Variants in ZC3H3 observed in about 807,000 individuals in gnomAD.
ZC3H3 encodes the protein zinc finger CCCH-type containing 3.
In ZC3H3, 36 loss-of-function variants were observed where a neutral mutation model predicts 77.3. The ratio of observed to expected loss-of-function variants is 0.47; its 90% CI spans 0.36 to 0.61. The LOEUF is 0.61. Ranked by LOEUF, ZC3H3 falls within the 20% of genes least tolerant of loss-of-function variation. ZC3H3 has a pLI of 0.00. For synonymous variants in ZC3H3, 626 were observed against 555.2 expected (o/e 1.13, Z -1.79); for missense variants, 1,331 against 1,312.2 (o/e 1.01, Z -0.22).
chr8:143,447,851 T>C (rs1819897344), intron 9 of ZC3H3, among the ~76,000 whole-genome samples: 1 of 152,186 alleles, frequency 6.6e-6, no homozygotes. Context: ...CCGGCAGGGA[T>C]GGCCGGGTGT....
chr8:143,526,556 A>C (rs569645940), intron 3 of ZC3H3, among the ~76,000 whole-genome samples: 1 of 152,234 alleles, frequency 6.6e-6, no homozygotes, highest in East Asian at 1.9e-4. Flanking sequence ...GTCCACATGG[A>C]CTCTGACCAC....
At chr8:143,499,049 G>C (rs1049377768) in intron 4 of ZC3H3, among the ~76,000 whole-genome samples, 1 of 152,090 alleles carries the variant, frequency 6.6e-6, no homozygotes, top group Non-Finnish European at 1.5e-5. Context: ...AAGGGGCGGA[G>C]AGCTGCCGAA....
chr8:143,437,850 G>A lies in ZC3H3; in HGVS notation c.*206C>T. 1.5e-6 allele frequency: 1 copy of A among 664,706 alleles called. No homozygotes were observed. 41.2% of individuals were successfully genotyped at this position (664,706 alleles called of 1,614,324 possible). ...CTGGAAGGTGGTGGGGTGGGGACAG[G>A]GGCCTGGCTTGGGGGAGGAAGACCA... On this transcript the variant is annotated 3_prime_UTR_variant, in exon 12 of 12. Coordinates refer to ENST00000262577, the MANE Select transcript of ZC3H3 (RefSeq NM_015117.3).
At position 143,538,657 on chromosome 8, in the gene ZC3H3, G is replaced by T. The variant is rs767315569; in HGVS notation, c.710C>A (p.Pro237Gln). 6.2e-7 allele frequency: 1 copy of T among 1,608,498 alleles called. No individual in the cohort carries two copies. Among genetic ancestry groups the T allele is most frequent in the Non-Finnish European group, 8.5e-7 (1 of 1,179,972 alleles). Residue 237 changes from proline to glutamine, a missense_variant, in exon 2 of 12, where the codon CCA (proline) becomes CAA (glutamine). Physicochemically the swap from Pro to Gln is moderately conservative, Grantham distance 76. Coordinates refer to ENST00000262577, the MANE Select transcript of ZC3H3 (RefSeq NM_015117.3). ...KASFPSSALP[P>Q]RTGVALGRKL... ...CCGGCCCAGGGCCACGCCAGTGCGT[G>T]GGGGCAGAGCGGAGGATGGGAAGCT...
In ZC3H3 at chr8:143,440,973, T is replaced by G; in HGVS notation, c.2455A>C (p.Thr819Pro). Reference protein sequence around the residue: ...TSPAPGPSDATARSRVSASHG... With the variant: ...TSPAPGPSDAPARSRVSASHG... ...CTGGCCGAGACCCTGCTCCTGGCGG[T>G]TGCGTCGCTGGGCCCTGGGGCGGGG... The change falls in exon 10 of 12, where the codon ACC becomes CCC. Residue 819 changes from threonine (T) to proline (P), a missense_variant. Around this residue, in one of 3 missense-constraint regions of ZC3H3, gnomAD observed 249 missense variants for 236.9 expected, o/e 1.05. Transcript: ENST00000262577. 1 of 1,449,368 alleles carries G rather than the reference T, an allele frequency of 6.9e-7. No individual in the cohort carries two copies. The highest frequency in any genetic ancestry group is 9.0e-7 in the Non-Finnish European group (1 of 1,106,700). 89.8% of individuals were successfully genotyped at this position (1,449,368 alleles called of 1,614,324 possible).
chr8:143,535,212 T>C (rs944806267), intron 3 of ZC3H3, among the ~76,000 whole-genome samples: 1 of 152,124 alleles, frequency 6.6e-6, no homozygotes, highest in African/African-American at 2.4e-5. Context: ...CTAATTTTTG[T>C]ATTTTTGGTA....
intron 4 of ZC3H3, among the ~76,000 whole-genome samples, chr8:143,478,392 G>A (rs1261837040): frequency 3.3e-5 from 5 of 152,228 alleles, no homozygotes; most frequent in East Asian, 1.9e-4. Context: ...AGGGCCTCTG[G>A]GGGTCAGCAG....
At position 143,515,097 on chromosome 8, in the gene ZC3H3, T is replaced by C. The variant is rs1369522118; in HGVS notation, c.1562-7198A>G. 2.6e-5 allele frequency among the ~76,000 whole-genome samples: 4 copies of C among 152,206 alleles called. No individual in the cohort carries two copies. The East Asian group carries it at 5.8e-4, about 22-fold the overall frequency. ...GGATTCACCAGTCCTTACTGCTGGG[T>C]TCCGAGAAACATGAGGGTCAGTCCC... On this transcript the variant is annotated intron_variant, in intron 3 of 11. Coordinates refer to ENST00000262577, the MANE Select transcript of ZC3H3 (RefSeq NM_015117.3).
At chr8:143,476,342 G>A (rs948926246) in intron 4 of ZC3H3, among the ~76,000 whole-genome samples, 13 of 152,320 alleles carry the variant, frequency 8.5e-5, no homozygotes, top group Admixed American at 2.6e-4. Context: ...AAGAGGCCGC[G>A]ACAGCCCCTG....
intron 3 of ZC3H3, among the ~76,000 whole-genome samples, chr8:143,519,795 C>T (rs1020855830): frequency 1.3e-5 from 2 of 152,176 alleles, no homozygotes. Flanking sequence ...CATCCATGCA[C>T]AGGACTCATC....
chr8:143,540,038 CG>C (rs1381822534), intron 1 of ZC3H3, among the ~76,000 whole-genome samples: 2 of 152,202 alleles, frequency 1.3e-5, no homozygotes, highest in Non-Finnish European at 2.9e-5. Flanking sequence ...GCCCTGCCCC[CG>C]GGGGCACAGA....
chr8:143,460,830 C>G lies in ZC3H3; in HGVS notation c.2307+4887G>C, dbSNP rs771993255. ...TCCACTGACGGGACACAGCTAGACC[C>G]TGGAAACATTACGCTGCGTGAAAGA... On this transcript the variant is annotated intron_variant, in intron 9 of 11. Transcript: ENST00000262577. This position sits in a 1 kb window ranked among gnomAD's most constrained non-coding sequence, Gnocchi z 4.0. 1.1e-4 allele frequency among the ~76,000 whole-genome samples: 16 copies of G among 152,292 alleles called. No individual in the cohort carries two copies. Among genetic ancestry groups the G allele is most frequent in the Non-Finnish European group, 2.2e-4 (15 of 68,024 alleles).
intron 9 of ZC3H3, among the ~76,000 whole-genome samples, chr8:143,452,752 A>G (rs180724365): frequency 4.5e-3 from 682 of 152,364 alleles, no homozygotes; most frequent in Non-Finnish European, 7.4e-3. Flanking sequence ...AAGACAGAAT[A>G]ACAGAAATTA....
chr8:143,519,644 T>C (rs1822176519), intron 3 of ZC3H3, among the ~76,000 whole-genome samples: 1 of 152,102 alleles, frequency 6.6e-6, no homozygotes, highest in South Asian at 2.1e-4. Flanking sequence ...CCGTGCTGTG[T>C]GCGTGCACAT....
rs961581459 is a variant in ZC3H3, at chr8:143,494,692, C to T, written c.1715+13054G>A. Reference sequence around the variant, plus strand: ...GCACAGGAACACAGCCCCCAGAGGGCCAGGAGCCCCCACACTCACCCTGAG... The same window carrying T: ...GCACAGGAACACAGCCCCCAGAGGGTCAGGAGCCCCCACACTCACCCTGAG... On this transcript the variant is annotated intron_variant, in intron 4 of 11. Coordinates refer to ENST00000262577, the MANE Select transcript of ZC3H3 (RefSeq NM_015117.3). This position sits in a 1 kb window ranked among gnomAD's most constrained non-coding sequence, Gnocchi z 5.3. 1.3e-5 allele frequency among the ~76,000 whole-genome samples: 2 copies of T among 152,174 alleles called. No individual in the cohort carries two copies. Among genetic ancestry groups the T allele is most frequent in the African/African-American group, 4.8e-5 (2 of 41,446 alleles).
chr8:143,485,303 C>T (rs1365645382), intron 4 of ZC3H3, among the ~76,000 whole-genome samples: 1 of 152,090 alleles, frequency 6.6e-6, no homozygotes, highest in Non-Finnish European at 1.5e-5. Flanking sequence ...TTGGTGAGGC[C>T]GAGAACCCGG....
At chr8:143,519,346 G>A (rs992920900) in intron 3 of ZC3H3, among the ~76,000 whole-genome samples, 2 of 152,224 alleles carry the variant, frequency 1.3e-5, no homozygotes, top group African/African-American at 4.8e-5. Context: ...AGAACCACCG[G>A]GGCCAGTGCC....
intron 5 of ZC3H3, among the ~76,000 whole-genome samples, chr8:143,472,832 C>T (rs1449944782): frequency 6.6e-6 from 1 of 152,218 alleles, no homozygotes; most frequent in Non-Finnish European, 1.5e-5. Flanking sequence ...GCACCGCGAC[C>T]TGGGTGAACA....
chr8:143,456,127 A>G (rs762350109), intron 9 of ZC3H3, among the ~76,000 whole-genome samples: 3 of 152,182 alleles, frequency 2.0e-5, no homozygotes, highest in Admixed American at 6.5e-5. Context: ...TATCCCCCAC[A>G]GAGAAGGGAA....
Sources: allele counts gnomAD v4.1 joint callset (sites outside exome capture counted in the v4.1 genomes callset), GRCh38; gene constraint gnomAD v4.1.1; regional missense constraint gnomAD v4.1.1; non-coding constraint Gnocchi (gnomAD v3.1); transcripts MANE v1.5; gene names NCBI Gene and HGNC (gene_info 2026-07-23, HGNC 2026-07-21).